HS2ST1: variants seen among roughly 807,000 people sequenced by gnomAD.
HS2ST1 encodes the protein heparan sulfate 2-O-sulfotransferase 1.
Under a neutral mutation model 42.9 loss-of-function variants are expected in HS2ST1, and 18 were observed. The ratio of observed to expected loss-of-function variants is 0.42; its 90% confidence interval spans 0.29 to 0.62. The LOEUF is 0.62. Among genes scored for constraint, HS2ST1 ranks in the 20% least tolerant of loss-of-function variants. The pLI is 0.21. For missense variants in HS2ST1, 334 were observed against 433.8 expected (o/e 0.77, Z 2.04); for synonymous variants, 146 against 152.9 (o/e 0.95, Z 0.33).
intron 3 of HS2ST1, among the ~76,000 whole-genome samples, chr1:87,084,987 A>G (rs1232088868): frequency 6.6e-6 from 1 of 152,140 alleles, no homozygotes; most frequent in Middle Eastern, 3.2e-3. Flanking sequence ...TCAGAAAACT[A>G]TATGCCTACT....
intron 1 of HS2ST1, among the ~76,000 whole-genome samples, chr1:86,951,793 C>T (rs1377914217): frequency 6.6e-6 from 1 of 152,224 alleles, no homozygotes; most frequent in East Asian, 1.9e-4. Context: ...CCTGATGCTG[C>T]TTTATCAACT....
At chr1:86,943,149 T>C (rs939083412) in intron 1 of HS2ST1, among the ~76,000 whole-genome samples, 4 of 152,198 alleles carry the variant, frequency 2.6e-5, no homozygotes, top group Non-Finnish European at 4.4e-5. Context: ...GATTAGATTC[T>C]CCTAACTAAA....
chr1:86,954,357 A>G (rs1647617221), intron 1 of HS2ST1, among the ~76,000 whole-genome samples: 1 of 152,180 alleles, frequency 6.6e-6, no homozygotes, highest in South Asian at 2.1e-4. Context: ...TCCAAAAAAA[A>G]AGGCAGTATC....
intron 1 of HS2ST1, chr1:86,932,448 G>A (rs1225878414): frequency 6.6e-6 from 1 of 152,006 alleles, no homozygotes; most frequent in Admixed American, 6.6e-5. Flanking sequence ...TTATTTTATA[G>A]GCAAAGCAAC....
chr1:86,974,557 A>G (rs796295907), intron 1 of HS2ST1, among the ~76,000 whole-genome samples: 4 of 152,346 alleles, frequency 2.6e-5, no homozygotes, highest in African/African-American at 9.6e-5. Flanking sequence ...TAACCAATCC[A>G]AACAGAAGTT....
chr1:87,093,265 T>C (rs899201836), intron 4 of HS2ST1, among the ~76,000 whole-genome samples: 1 of 152,100 alleles, frequency 6.6e-6, no homozygotes. Context: ...GGACACGATC[T>C]CAGACCTAGC....
chr1:86,981,648 C>G (rs1648593626), intron 1 of HS2ST1, among the ~76,000 whole-genome samples: 1 of 152,222 alleles, frequency 6.6e-6, no homozygotes, highest in Non-Finnish European at 1.5e-5. Flanking sequence ...TTCCATGTCT[C>G]ACATCCAGGA....
At chr1:87,015,109 C>T (rs1349167069) in intron 1 of HS2ST1, among the ~76,000 whole-genome samples, 7 of 152,026 alleles carry the variant, frequency 4.6e-5, no homozygotes, top group South Asian at 4.1e-4. Context: ...AGTGCAGTGG[C>T]GTGATCTCAG....
intron 1 of HS2ST1, among the ~76,000 whole-genome samples, chr1:87,024,411 G>A (rs956088160): frequency 6.6e-6 from 1 of 151,330 alleles, no homozygotes; most frequent in South Asian, 2.1e-4. Flanking sequence ...TGAGGCAGGA[G>A]AATCTCTTGA....
intron 2 of HS2ST1, among the ~76,000 whole-genome samples, chr1:87,082,878 C>T (rs138981886): frequency 6.6e-6 from 1 of 152,154 alleles, no homozygotes; most frequent in Non-Finnish European, 1.5e-5. Flanking sequence ...GCTAAAATGA[C>T]ATTGTATACT....
At chr1:86,988,262 A>G (rs1426070661) in intron 1 of HS2ST1, among the ~76,000 whole-genome samples, 2 of 152,190 alleles carry the variant, frequency 1.3e-5, no homozygotes, top group Non-Finnish European at 2.9e-5. Flanking sequence ...GAACACCCAG[A>G]ACTTTGGAAA....
chr1:87,043,346 A>T (rs1401617771), intron 1 of HS2ST1, among the ~76,000 whole-genome samples: 1 of 152,138 alleles, frequency 6.6e-6, no homozygotes, highest in Non-Finnish European at 1.5e-5. Context: ...TTAACAATGT[A>T]GAATACAGGA....
intron 1 of HS2ST1, among the ~76,000 whole-genome samples, chr1:87,035,077 G>A (rs191403029): frequency 8.5e-5 from 13 of 152,288 alleles, no homozygotes; most frequent in Admixed American, 5.2e-4. Context: ...CAGTCCATGA[G>A]CCAAGGAATG....
At chr1:86,928,591 C>T (rs1433696128) in intron 1 of HS2ST1, among the ~76,000 whole-genome samples, 2 of 151,934 alleles carry the variant, frequency 1.3e-5, no homozygotes, top group Non-Finnish European at 2.9e-5. Flanking sequence ...TTATACACCT[C>T]TGGCAGAAAA....
chr1:87,040,737 G>A (rs928334177), intron 1 of HS2ST1, among the ~76,000 whole-genome samples: 2 of 152,046 alleles, frequency 1.3e-5, no homozygotes, highest in African/African-American at 4.8e-5. Context: ...TAAAAAGTCC[G>A]GAATATTAAC....
At chr1:86,965,044 T>G (rs1174094419) in intron 1 of HS2ST1, among the ~76,000 whole-genome samples, 1 of 152,186 alleles carries the variant, frequency 6.6e-6, no homozygotes, top group Admixed American at 6.5e-5. Flanking sequence ...TAGCCAAGAT[T>G]AGGTGTGTCT....
chr1:87,095,407 C>T (rs985832828), intron 4 of HS2ST1, among the ~76,000 whole-genome samples: 9 of 152,140 alleles, frequency 5.9e-5, no homozygotes, highest in Non-Finnish European at 7.4e-5. Flanking sequence ...TTTAAACTGA[C>T]GTACTCTAGT....
Position 87,013,159 on chromosome 1 carries a change from A to G in HS2ST1, c.125-59775A>G, listed in dbSNP as rs575762875. On this transcript the variant is annotated intron_variant, in intron 1 of 6. Coordinates refer to ENST00000370550, the MANE Select transcript of HS2ST1 (RefSeq NM_012262.4). ...GGTAGTTCCCCAGTGGGGACTCTGT[A>G]TAGGGGCTCCCACAGAGCATTTCCC... Among the ~76,000 whole-genome samples, 4 of 152,286 alleles carry G rather than the reference A, an allele frequency of 2.6e-5. No homozygotes were observed. In the East Asian group the frequency reaches 5.8e-4, roughly 22 times the overall value.
rs185818510 is a variant in HS2ST1, at chr1:87,012,324, T to C, written c.125-60610T>C. ...CGTAGCTGGGGAGGCCTGACAATTA[T>C]GGGGGAAGGTGAAGGGGAAGCAAGA... is the stretch of plus-strand genomic sequence containing the variant. On this transcript the variant is annotated intron_variant, in intron 1 of 6. Coordinates refer to ENST00000370550, the MANE Select transcript of HS2ST1 (RefSeq NM_012262.4). Among the ~76,000 whole-genome samples the C allele has an allele frequency of 3.9e-5, 6 of 152,086 alleles. No individual in the cohort carries two copies. In the East Asian group the frequency reaches 1.2e-3, roughly 29 times the overall value.
Sources: allele counts gnomAD v4.1 joint callset (sites outside exome capture counted in the v4.1 genomes callset), GRCh38; gene constraint gnomAD v4.1.1; transcripts MANE v1.5; gene names NCBI Gene and HGNC (gene_info 2026-07-23, HGNC 2026-07-21).